NCK1: variants seen among roughly 807,000 people sequenced by gnomAD.
NCK1 encodes the protein NCK adaptor protein 1.
Under a neutral mutation model 36.6 loss-of-function variants are expected in NCK1, and 19 were observed. That is an observed-to-expected ratio of 0.52 (90% confidence interval 0.36 to 0.76). The LOEUF (loss-of-function observed/expected upper bound fraction) is 0.76. Ranked by LOEUF, NCK1 falls within the 30% of genes least tolerant of loss-of-function variation. The pLI is 0.00. For synonymous variants in NCK1, 165 were observed against 156.0 expected, an observed-to-expected ratio of 1.06 and a Z score of -0.43; for missense variants, 358 against 445.6, an observed-to-expected ratio of 0.80 and a Z score of 1.77.
At position 136,948,597 on chromosome 3, in the gene NCK1, A is replaced by G; in HGVS notation, c.*144A>G. 1.4e-6 allele frequency: 1 copy of G among 690,112 alleles called. No individual in the cohort carries two copies. Among genetic ancestry groups the G allele is most frequent in the Non-Finnish European group, 2.4e-6 (1 of 414,320 alleles). 42.7% of individuals were successfully genotyped at this position (690,112 alleles called of 1,614,324 possible). On this transcript the variant is annotated 3_prime_UTR_variant, in exon 4 of 4. Coordinates refer to ENST00000481752, the MANE Select transcript of NCK1 (RefSeq NM_001291999.2). ...ATTGACAATAAGTATTTTTATTATA[A>G]CTCAGCCCATACATATATACTATGT...
rs542100726 is a variant in NCK1 at position 136,951,497 on chromosome 3, A to T, written c.*3044A>T. 1.5e-3 allele frequency among the ~76,000 whole-genome samples: 234 copies of T among 152,352 alleles called. 1 individual carries two copies. The highest frequency in any genetic ancestry group is 5.4e-3 in the African/African-American group (223 of 41,584). The stretch of plus-strand genomic sequence containing the variant: ...CTAATAACATGAGTTGAATTCCCAC[A>T]AGTCAACAATGAGCTGGAATCTAAT... On this transcript the variant is annotated 3_prime_UTR_variant, in exon 4 of 4. Coordinates refer to ENST00000481752, the MANE Select transcript of NCK1 (RefSeq NM_001291999.2).
chr3:136,913,106 T>A (rs879496988), intron 1 of NCK1, among the ~76,000 whole-genome samples: 1,724 of 152,330 alleles, frequency 0.011, 14 homozygotes, highest in Non-Finnish European at 0.018. Context: ...CTTCTGATCT[T>A]TCTCTGGGAA....
chr3:136,881,186 C>T (rs1938922569), intron 1 of NCK1, among the ~76,000 whole-genome samples: 1 of 152,046 alleles, frequency 6.6e-6, no homozygotes, highest in African/African-American at 2.4e-5. Flanking sequence ...AGTCAAGCAG[C>T]CATCATCTCT....
intron 1 of NCK1, chr3:136,889,043 G>C (rs1447877086): frequency 1.6e-5 from 1 of 62,828 alleles, no homozygotes; most frequent in East Asian, 6.6e-4. Flanking sequence ...CTAATTTTTT[G>C]ATTTTTTTTT....
intron 1 of NCK1, among the ~76,000 whole-genome samples, chr3:136,907,021 C>T (rs573680165): frequency 2.0e-5 from 3 of 152,096 alleles, no homozygotes; most frequent in Non-Finnish European, 4.4e-5. Flanking sequence ...TCAGAATGCT[C>T]TGGTGGCAAC....
At chr3:136,934,740 A>G (rs1940485380) in intron 2 of NCK1, among the ~76,000 whole-genome samples, 1 of 152,210 alleles carries the variant, frequency 6.6e-6, no homozygotes, top group Non-Finnish European at 1.5e-5. Flanking sequence ...TAACTTGACC[A>G]AGATCACACA....
chr3:136,902,042 G>A (rs1470060546), intron 1 of NCK1, among the ~76,000 whole-genome samples: 1 of 151,816 alleles, frequency 6.6e-6, no homozygotes, highest in African/African-American at 2.4e-5. Flanking sequence ...TAGATTTTCG[G>A]TATGTTGTAT....
rs184277110 is a variant in NCK1 at position 136,890,179 on chromosome 3, G to A, written c.-19+27826G>A. ...GCTGAGGCCCGGCAAGAAATCGAGC[G>A]CAGCGCTGGTGGGCTGGCATTGCTG... is the stretch of plus-strand genomic sequence containing the variant. On this transcript the variant is annotated intron_variant, in intron 1 of 3. Transcript: ENST00000481752. 1.8e-3 allele frequency among the ~76,000 whole-genome samples: 274 copies of A among 152,324 alleles called. 1 individual carries two copies. Among genetic ancestry groups the A allele is most frequent in the African/African-American group, 6.1e-3 (253 of 41,574 alleles).
At chr3:136,870,122 G>A (rs537029696) in intron 1 of NCK1, among the ~76,000 whole-genome samples, 39 of 147,928 alleles carry the variant, frequency 2.6e-4, no homozygotes, top group African/African-American at 5.0e-4. Flanking sequence ...CAGGTGGATC[G>A]CTTGAGGTCA....
chr3:136,872,118 A>G (rs1205945768), intron 1 of NCK1, among the ~76,000 whole-genome samples: 2 of 152,220 alleles, frequency 1.3e-5, no homozygotes, highest in Non-Finnish European at 2.9e-5. Context: ...CAGAGGTTGG[A>G]ACAGTTTGAA....
chr3:136,866,800 A>G (rs1362186718), intron 1 of NCK1, among the ~76,000 whole-genome samples: 1 of 151,638 alleles, frequency 6.6e-6, no homozygotes, highest in East Asian at 1.9e-4. Flanking sequence ...TTTAGTAGAG[A>G]TGGGGTTTCA....
intron 2 of NCK1, among the ~76,000 whole-genome samples, chr3:136,935,032 G>A (rs957280445): frequency 2.0e-5 from 3 of 152,072 alleles, no homozygotes; most frequent in Non-Finnish European, 4.4e-5. Flanking sequence ...CACCCAAGTA[G>A]CTGGAATTAC....
rs184547331 is a variant in NCK1 at position 136,936,004 on chromosome 3, A to C, written c.226+7777A>C. On this transcript the variant is annotated intron_variant, in intron 2 of 3. Transcript: ENST00000481752. ...TCAAGTTTTGTCCATGTTGTAGCATATATCAGTAATTCATCCCTTTTATGT... is the reference window on the plus strand; with the variant it reads ...TCAAGTTTTGTCCATGTTGTAGCATCTATCAGTAATTCATCCCTTTTATGT... Among the ~76,000 whole-genome samples, 18 of 151,016 alleles carry C rather than the reference A, an allele frequency of 1.2e-4. No individual in the cohort carries two copies. The East Asian group carries it at 3.3e-3, about 28-fold the overall frequency.
chr3:136,912,043 TATA>T (rs1412583414), intron 1 of NCK1, among the ~76,000 whole-genome samples: 2 of 152,152 alleles, frequency 1.3e-5, no homozygotes. Context: ...TTGGATAGAT[TATA>T]ATGTGTCTTG....
At chr3:136,930,220 A>G (rs893470538) in intron 2 of NCK1, among the ~76,000 whole-genome samples, 1 of 152,202 alleles carries the variant, frequency 6.6e-6, no homozygotes, top group Admixed American at 6.5e-5. Flanking sequence ...ATTGTTTGAA[A>G]GTTGAGAAGG....
In NCK1 at chr3:136,927,972, A is replaced by G. The variant is rs1940288724; in HGVS notation, c.-18-12A>G. 1.3e-6 allele frequency: 2 copies of G among 1,530,352 alleles called. No homozygotes were observed. Among genetic ancestry groups the G allele is most frequent in the South Asian group, 1.1e-5 (1 of 87,498 alleles). 94.8% of individuals were successfully genotyped at this position (1,530,352 alleles called of 1,614,324 possible). A position where few individuals can be genotyped will look rare whatever the true frequency, so the allele number is the denominator to read the frequency against. ...TCAACCTTACATAAAAATATTTTCC[A>G]TGTGTTTACAGTGCTGAAGCTGCTG... is the stretch of plus-strand genomic sequence containing the variant. On this transcript the variant is annotated splice_polypyrimidine_tract_variant and intron_variant, in intron 1 of 3. Transcript: ENST00000481752.
At chr3:136,877,649 C>G (rs1397723748) in intron 1 of NCK1, among the ~76,000 whole-genome samples, 4 of 152,228 alleles carry the variant, frequency 2.6e-5, no homozygotes, top group Admixed American at 6.6e-5. Context: ...TTGAACTACA[C>G]AGGTAAAGAG....
At chr3:136,900,026 G>A (rs1450425869) in intron 1 of NCK1, 15 of 616,058 alleles carry the variant, frequency 2.4e-5, no homozygotes, top group South Asian at 1.6e-4. Flanking sequence ...TGTCAGAGTC[G>A]CCAAACTGTG....
chr3:136,867,091 T>A (rs1938448488), intron 1 of NCK1, among the ~76,000 whole-genome samples: 1 of 14,684 alleles, frequency 6.8e-5, no homozygotes, highest in Non-Finnish European at 1.4e-4. Flanking sequence ...TTTCTTTCTT[T>A]CTTTCTTTCT....
Sources: gnomAD v4.1 joint callset for allele counts (sites outside exome capture counted in the v4.1 genomes callset) on GRCh38, gnomAD v4.1.1 for gene constraint, MANE v1.5 for transcripts, NCBI Gene and HGNC (gene_info 2026-07-23, HGNC 2026-07-21) for gene names.